The following PTCD3 variants were observed in gnomAD, a reference collection of about 807,000 sequenced individuals.
PTCD3 encodes pentatricopeptide repeat domain 3.
In PTCD3, 89 loss-of-function variants were observed where a neutral mutation model predicts 101.9. The observed-to-expected ratio is 0.87, with a 90% CI of 0.74 to 1.04. The LOEUF is 1.04. Ranked by LOEUF, PTCD3 falls within the 50% of genes least tolerant of loss-of-function variation. The pLI, the probability that PTCD3 is intolerant of heterozygous loss-of-function variation, is 0.00. For missense variants in PTCD3, 870 were observed against 828.2 expected (o/e 1.05, Z -0.62); for synonymous variants, 296 against 278.5 (o/e 1.06, Z -0.63).
In PTCD3 at chr2:86,121,490, T is replaced by C; in HGVS notation, c.550T>C (p.Ser184Pro). 1.2e-5 allele frequency: 19 copies of C among 1,600,586 alleles called. No homozygotes were observed. Among genetic ancestry groups the C allele is most frequent in the Non-Finnish European group, 1.6e-5 (19 of 1,174,078 alleles). Residue 184 changes from serine (S) to proline (P), a missense_variant, in exon 8 of 24, where the codon TCT (serine) becomes CCT (proline). Transcript: ENST00000254630. ...TCTCTTACCCACAGGAACCACTGTG[T>C]CTCTTGAAACAACAAATAGTCTCTT... Reference protein sequence around the residue: ...DQLLQAGTTVSLETTNSLLDL... With the variant: ...DQLLQAGTTVPLETTNSLLDL...
chr2:86,106,252 C>T lies in PTCD3; in HGVS notation c.5C>T (p.Ala2Val), dbSNP rs13393659. The change falls in exon 1 of 24, where the codon GCG becomes GTG. Residue 2 changes from alanine (A) to valine (V), a missense_variant. Transcript: ENST00000254630. Reference sequence around the variant, plus strand: ...TGCTCTGCAGAGAAATCAAAGATGGCGGTTGTATCTGCTGTTCGCTGGCTG... The same window carrying T: ...TGCTCTGCAGAGAAATCAAAGATGGTGGTTGTATCTGCTGTTCGCTGGCTG... M[A>V]VVSAVRWLGL... 7.5e-3 allele frequency: 12,120 copies of T among 1,613,754 alleles called. 792 individuals are homozygous for T. In the African/African-American group the frequency reaches 0.14, roughly 19 times the overall value.
chr2:86,139,036 T>C lies in PTCD3; in HGVS notation c.*1477T>C, dbSNP rs991407376. 3 of 152,210 alleles carry C rather than the reference T, an allele frequency of 2.0e-5. No homozygotes were observed. The highest frequency in any genetic ancestry group is 4.4e-5 in the Non-Finnish European group (3 of 68,046). 9.4% of individuals were successfully genotyped at this position (152,210 alleles called of 1,614,324 possible). On this transcript the variant is annotated 3_prime_UTR_variant, in exon 24 of 24. Transcript: ENST00000254630. The stretch of plus-strand genomic sequence containing the variant: ...ATGAATTTGTAGTAGACTTTCAAAA[T>C]GAGTGATTTGTTAGCTTGGTACTTT...
At chr2:86,118,835 G>A in intron 6 of PTCD3, 86 bp from the exon 7 acceptor site, 1 of 1,430,660 alleles carries the variant, frequency 7.0e-7, no homozygotes, top group East Asian at 2.3e-5. Context: ...ACTTTGGTAT[G>A]TTGGTGATAA....
chr2:86,129,190 T>C (rs1674452362), intron 14 of PTCD3, among the ~76,000 whole-genome samples: 1 of 152,250 alleles, frequency 6.6e-6, no homozygotes, highest in African/African-American at 2.4e-5. Flanking sequence ...GAGATTGTGA[T>C]GGAGCTAGTA....
chr2:86,131,469 A>G (rs912867433), intron 16 of PTCD3, among the ~76,000 whole-genome samples: 2 of 151,576 alleles, frequency 1.3e-5, no homozygotes, highest in African/African-American at 4.8e-5. Flanking sequence ...ACTCCTGACC[A>G]CCTCCCAAAG....
intron 12 of PTCD3, among the ~76,000 whole-genome samples, chr2:86,126,338 G>A (rs1436389403): frequency 1.3e-5 from 2 of 151,714 alleles, no homozygotes; most frequent in Non-Finnish European, 2.9e-5. Context: ...TACCCTTTCC[G>A]CAGCCCTGGG....
intron 2 of PTCD3, 45 bp from the exon 3 acceptor site, chr2:86,108,455 A>G: frequency 1.3e-6 from 2 of 1,592,080 alleles, no homozygotes; most frequent in Non-Finnish European, 1.7e-6. Context: ...GTTGGATTCC[A>G]TTGTAGTACT....
intron 12 of PTCD3, 69 bp from the exon 13 acceptor site, chr2:86,127,092 G>A (rs565674809): frequency 2.2e-6 from 3 of 1,379,478 alleles, no homozygotes; most frequent in Non-Finnish European, 3.0e-6. Flanking sequence ...TCTTTACTTT[G>A]TATGAAACAT....
chr2:86,116,154 C>A (rs972372517), intron 4 of PTCD3, among the ~76,000 whole-genome samples: 35 of 152,280 alleles, frequency 2.3e-4, no homozygotes, highest in Middle Eastern at 3.4e-3. Context: ...TGCCCACACA[C>A]GTTTGCGCAT....
intron 9 of PTCD3, 75 bp downstream of exon 9, chr2:86,123,837 G>A: frequency 1.0e-6 from 1 of 984,056 alleles, no homozygotes; most frequent in Non-Finnish European, 1.4e-6. Flanking sequence ...ACCCTGTGAA[G>A]ATGTTTTCTT....
chr2:86,137,401 C>CA, intron 23 of PTCD3, 68 bp from the exon 24 acceptor site: 1 of 1,599,976 alleles, frequency 6.3e-7, no homozygotes, highest in Non-Finnish European at 8.5e-7. Context: ...AGGTGAGTGT[C>CA]AGAGACACCG....
chr2:86,133,935 G>T (rs755829497), intron 19 of PTCD3, among the ~76,000 whole-genome samples: 25 of 152,222 alleles, frequency 1.6e-4, no homozygotes, highest in Non-Finnish European at 2.5e-4. Flanking sequence ...GGTGACTACT[G>T]TATCATAAAG....
intron 4 of PTCD3, 50 bp downstream of exon 4, chr2:86,111,208 C>G (rs774579046): frequency 7.0e-7 from 1 of 1,437,460 alleles, no homozygotes; most frequent in East Asian, 2.3e-5. Context: ...GCTAATAACA[C>G]ACTTTTTAAC....
intron 13 of PTCD3, 192 bp downstream of exon 13, chr2:86,127,497 A>G (rs188051091): frequency 3.3e-6 from 2 of 607,468 alleles, no homozygotes; most frequent in Non-Finnish European, 5.5e-6. Context: ...AGTGTTCATT[A>G]GTATTTTAGG....
At chr2:86,118,162 C>T (rs190291939) in intron 6 of PTCD3, among the ~76,000 whole-genome samples, 24 of 152,246 alleles carry the variant, frequency 1.6e-4, no homozygotes, top group East Asian at 1.2e-3. Flanking sequence ...GTTTCAGTGA[C>T]GCTTATAATC....
chr2:86,126,267 G>T (rs1411724720), intron 12 of PTCD3, among the ~76,000 whole-genome samples: 1 of 151,568 alleles, frequency 6.6e-6, no homozygotes, highest in Non-Finnish European at 1.5e-5. Flanking sequence ...AAGTACATGG[G>T]CTGGAGACAG....
At chr2:86,119,717 G>A (rs10183744) in intron 7 of PTCD3, 109,928 of 152,116 alleles carry the variant, frequency 0.72, 42,120 homozygotes, top group Non-Finnish European at 0.84. Flanking sequence ...AGAAATACGT[G>A]AAAAGGAAAG....
intron 22 of PTCD3, 90 bp downstream of exon 22, chr2:86,136,652 G>A: frequency 7.0e-7 from 1 of 1,433,650 alleles, no homozygotes; most frequent in East Asian, 2.3e-5. Context: ...CCACATTTGG[G>A]CACTCTTCTG....
chr2:86,121,545 A>G lies in PTCD3; in HGVS notation c.605A>G (p.Glu202Gly). The G allele has an allele frequency of 1.2e-6, 2 of 1,612,006 alleles. No homozygotes were observed. The highest frequency in any genetic ancestry group is 2.2e-5 in the East Asian group (1 of 44,794). The change falls in exon 8 of 24, where the codon GAG becomes GGG. Residue 202 changes from glutamate (E) to glycine (G), a missense_variant. Physicochemically the swap from Glu to Gly is moderately conservative, Grantham distance 98. Transcript: ENST00000254630. Reference protein sequence around the residue: ...LDLLCYYGDQEPSTDYHFQQT... With the variant: ...LDLLCYYGDQGPSTDYHFQQT... ...TTATTGTGTTACTATGGTGACCAGG[A>G]GCCCTCAACTGATTACCATTTTCAA... is the stretch of plus-strand genomic sequence containing the variant.
Sources: allele counts gnomAD v4.1 joint callset (sites outside exome capture counted in the v4.1 genomes callset), GRCh38; gene constraint gnomAD v4.1.1; transcripts MANE v1.5; gene names NCBI Gene and HGNC (gene_info 2026-07-23, HGNC 2026-07-21).